The following CYFIP1 variants were observed in gnomAD, a reference collection of about 807,000 sequenced individuals.
The protein encoded by CYFIP1 is cytoplasmic FMR1-interacting protein 1.
CYFIP1 carries 58 observed loss-of-function variants against 163.5 expected under a neutral mutation model. The observed-to-expected ratio is 0.35, with a 90% CI of 0.29 to 0.44. The LOEUF (loss-of-function observed/expected upper bound fraction) is 0.44. Ranked by LOEUF, CYFIP1 falls within the 20% of genes least tolerant of loss-of-function variation. The pLI, the probability that CYFIP1 is intolerant of heterozygous loss-of-function variation, is 1.00. For synonymous variants in CYFIP1, 663 were observed against 660.7 expected, an observed-to-expected ratio of 1.00 and a Z score of -0.05; for missense variants, 1,338 against 1,653.8, an observed-to-expected ratio of 0.81 and a Z score of 3.31.
intron 21 of CYFIP1, chr15:22,904,184 GCTA>G: frequency 1.9e-6 from 1 of 514,804 alleles, no homozygotes; most frequent in Non-Finnish European, 3.5e-6. Context: ...CGTGTGGCCT[GCTA>G]CTGCCACCCT....
Position 22,917,551 on chromosome 15 carries a change from G to A in CYFIP1, c.1674+237C>T. 3.5e-6 allele frequency: 2 copies of A among 564,612 alleles called. No individual in the cohort carries two copies. The highest frequency in any genetic ancestry group is 3.0e-6 in the Non-Finnish European group (1 of 337,464). 35.0% of individuals were successfully genotyped at this position (564,612 alleles called of 1,614,324 possible). ...CATTTTTGGGATGGGAGTTGAAATG[G>A]AGTCAGACTCCTTTTTAGTGCACAT... On this transcript the variant is annotated intron_variant, in intron 15 of 30. Transcript: ENST00000617928. The surrounding 1 kb of genome is among the most constrained non-coding windows in gnomAD (Gnocchi z 4.2).
At chr15:22,942,573 G>C (rs757771350) in intron 6 of CYFIP1, among the ~76,000 whole-genome samples, 1 of 152,116 alleles carries the variant, frequency 6.6e-6, no homozygotes, top group Non-Finnish European at 1.5e-5. Context: ...GGCCATGCCT[G>C]CCTCTTCCGC....
rs2059156285 is a variant in CYFIP1 at position 22,867,226 on chromosome 15, G to C, written c.*2802C>G. Reference sequence around the variant, plus strand: ...CTCCATCAATCCCTGACCATGTAAGGCTTTTTTATTTTAAAAAAACAGAGT... The same window carrying C: ...CTCCATCAATCCCTGACCATGTAAGCCTTTTTTATTTTAAAAAAACAGAGT... On this transcript the variant is annotated 3_prime_UTR_variant, in exon 31 of 31. Transcript: ENST00000617928. 1 of 403,824 alleles carries C rather than the reference G, an allele frequency of 2.5e-6. No individual in the cohort carries two copies. The highest frequency in any genetic ancestry group is 4.4e-6 in the Non-Finnish European group (1 of 229,644). The allele number at this position is 403,824 out of a possible 1,614,324, so 25.0% of individuals were successfully genotyped here.
intron 22 of CYFIP1, among the ~76,000 whole-genome samples, chr15:22,895,093 T>C (rs551092010): frequency 9.2e-5 from 14 of 151,380 alleles, no homozygotes; most frequent in African/African-American, 3.1e-4. Flanking sequence ...TGGCTCACTG[T>C]AAGCTCCGCC....
At chr15:22,903,606 A>C in intron 22 of CYFIP1, 100 bp downstream of exon 22, 3 of 1,253,676 alleles carry the variant, frequency 2.4e-6, no homozygotes, top group Non-Finnish European at 3.4e-6. Context: ...GGGAGCAGCA[A>C]GAGCAGGGAG....
chr15:22,921,047 A>G (rs1001897158), intron 13 of CYFIP1, among the ~76,000 whole-genome samples: 15 of 152,142 alleles, frequency 9.9e-5, no homozygotes, highest in Admixed American at 3.3e-4. Context: ...AGAAAACAGC[A>G]AAATAAACCC....
At chr15:22,971,240 C>T (rs1365183877) in intron 1 of CYFIP1, among the ~76,000 whole-genome samples, 2 of 152,172 alleles carry the variant, frequency 1.3e-5, no homozygotes, top group Non-Finnish European at 2.9e-5. Context: ...AAAACACTGG[C>T]AACAACAGAA....
At position 22,873,635 on chromosome 15, in the gene CYFIP1, C is replaced by G. The variant is rs1461588195; in HGVS notation, c.3305G>C (p.Ser1102Thr). 3 of 1,614,156 alleles carry G rather than the reference C, an allele frequency of 1.9e-6. No homozygotes were observed. In the African/African-American group the frequency reaches 4.0e-5, roughly 22 times the overall value. Residue 1102 changes from serine to threonine, a missense_variant, in exon 29 of 31, where the codon AGC (serine) becomes ACC (threonine). Coordinates refer to ENST00000617928, the MANE Select transcript of CYFIP1 (RefSeq NM_014608.6). ...GCGCCAGATGGGGTCATCCAGAAAG[C>G]TCCGGATCCGTGTCAGGATGACCTC... is the stretch of plus-strand genomic sequence containing the variant. ...MFEVILTRIR[S>T]FLDDPIWRGP...
At chr15:22,925,762 G>A (rs568850698) in intron 13 of CYFIP1, among the ~76,000 whole-genome samples, 1 of 152,106 alleles carries the variant, frequency 6.6e-6, no homozygotes, top group East Asian at 1.9e-4. Context: ...GCAGGTCCAG[G>A]AGTCCAGATT....
In CYFIP1 at chr15:22,872,966, G is replaced by A. The variant is rs1274484167; in HGVS notation, c.3456C>T (p.Cys1152=). 6.2e-7 allele frequency: 1 copy of A among 1,613,564 alleles called. No homozygotes were observed. The highest frequency in any genetic ancestry group is 1.7e-5 in the Admixed American group (1 of 59,876). The change falls in exon 30 of 31, where the codon TGC becomes TGT. Residue 1152 remains cysteine (C), a synonymous_variant. Coordinates refer to ENST00000617928, the MANE Select transcript of CYFIP1 (RefSeq NM_014608.6). ...VGTHEFTVEQ[C]FGDGLHWAGC... The stretch of plus-strand genomic sequence containing the variant: ...CAGCCCAGTGTAGCCCATCACCAAA[G>A]CACTGCCTAGGAACAAGAAGCAGAA...
intron 8 of CYFIP1, among the ~76,000 whole-genome samples, chr15:22,938,004 G>A (rs1215201830): frequency 6.6e-6 from 1 of 152,164 alleles, no homozygotes; most frequent in Admixed American, 6.5e-5. Flanking sequence ...CAGACACAAC[G>A]TTTCTGCTGT....
At chr15:22,933,251 C>T (rs1393404770) in intron 10 of CYFIP1, among the ~76,000 whole-genome samples, 1 of 152,122 alleles carries the variant, frequency 6.6e-6, no homozygotes, top group Non-Finnish European at 1.5e-5. Flanking sequence ...ACACAGTAGC[C>T]ACTAACTATT....
At chr15:22,906,197 C>G (rs943174334) in intron 21 of CYFIP1, among the ~76,000 whole-genome samples, 6 of 151,700 alleles carry the variant, frequency 4.0e-5, no homozygotes, top group African/African-American at 1.2e-4. Flanking sequence ...ACCTCTGCCT[C>G]CTGGGTTCAA....
chr15:22,897,108 G>T (rs554810354), intron 22 of CYFIP1, among the ~76,000 whole-genome samples: 1 of 152,210 alleles, frequency 6.6e-6, no homozygotes, highest in South Asian at 2.1e-4. Flanking sequence ...AGGTACTCGG[G>T]AGGCTGAGGC....
At chr15:22,951,160 T>C (rs1461633273) in intron 1 of CYFIP1, among the ~76,000 whole-genome samples, 1 of 152,100 alleles carries the variant, frequency 6.6e-6, no homozygotes, top group Non-Finnish European at 1.5e-5. Context: ...CCACCCATTT[T>C]CTCAGGAACT....
At chr15:22,898,724 C>A (rs963018900) in intron 22 of CYFIP1, among the ~76,000 whole-genome samples, 2 of 151,990 alleles carry the variant, frequency 1.3e-5, no homozygotes, top group African/African-American at 4.8e-5. Context: ...TTTTTGTAGA[C>A]CAGGCACGGT....
chr15:22,959,030 G>A (rs959303248), intron 1 of CYFIP1, among the ~76,000 whole-genome samples: 16 of 152,136 alleles, frequency 1.1e-4, no homozygotes, highest in African/African-American at 3.9e-4. Flanking sequence ...CAGTCCCACT[G>A]CCCCAGGTGG....
chr15:22,916,507 A>G lies in CYFIP1; in HGVS notation c.1798T>C (p.Phe600Leu), dbSNP rs1286098445. 2.1e-5 allele frequency: 34 copies of G among 1,613,502 alleles called. No homozygotes were observed. The highest frequency in any genetic ancestry group is 2.9e-5 in the Non-Finnish European group (34 of 1,179,682). Reference protein sequence around the residue: ...LDIEKFHRESFFYTHLINFSE... With the variant: ...LDIEKFHRESLFYTHLINFSE... ...AAATTTATCAAGTGAGTGTAGAAGA[A>G]TGACTCTCGATGAAATTTTTCTATG... Residue 600 changes from phenylalanine (F) to leucine (L), a missense_variant, in exon 16 of 31, where the codon TTC becomes CTC. By Grantham distance (22) the Phe-to-Leu change is conservative. Around this residue, in one of 4 missense-constraint regions of CYFIP1, gnomAD observed 824 missense variants for 995.7 expected, o/e 0.83. Transcript: ENST00000617928.
Position 22,916,219 on chromosome 15 carries a change from C to T in CYFIP1, c.1828+258G>A, listed in dbSNP as rs534552322. Among the ~76,000 whole-genome samples, 221 of 152,318 alleles carry T rather than the reference C, an allele frequency of 1.5e-3. 1 individual carries two copies. The highest frequency in any genetic ancestry group is 5.0e-3 in the African/African-American group (209 of 41,584). On this transcript the variant is annotated intron_variant, in intron 16 of 30. Transcript: ENST00000617928. ...GATTACATTCGCCTGTTTCCAACCC[C>T]GCATGGGTTGAAAAGATTTTCTGTT...
Sources: allele counts gnomAD v4.1 joint callset (sites outside exome capture counted in the v4.1 genomes callset), GRCh38; gene constraint gnomAD v4.1.1; regional missense constraint gnomAD v4.1.1; non-coding constraint Gnocchi (gnomAD v3.1); transcripts MANE v1.5; gene names NCBI Gene and HGNC (gene_info 2026-07-23, HGNC 2026-07-21).